Variants in FANCB observed in about 807,000 individuals in gnomAD.
FANCB encodes Fanconi anemia group B protein.
A neutral mutation model predicts 38.9 loss-of-function variants in FANCB; 5 were observed. The ratio of observed to expected loss-of-function variants is 0.13; its 90% CI spans 0.07 to 0.27. The LOEUF (loss-of-function observed/expected upper bound fraction) is 0.27. Ranked by LOEUF, FANCB falls within the 10% of genes least tolerant of loss-of-function variation. The pLI is 1.00. For missense variants in FANCB, 573 were observed against 602.7 expected (o/e 0.95, Z 0.52); for synonymous variants, 236 against 215.4 (o/e 1.10, Z -0.84).
chrX:14,750,714 T>C, the FANCB span, among the ~76,000 whole-genome samples: 1 of 110,885 alleles, frequency 9.0e-6, no homozygotes, highest in Non-Finnish European at 1.9e-5. Flanking sequence ...TATCCTTGCC[T>C]CTTGCCAGCA....
chrX:14,822,556 A>C, the FANCB span, among the ~76,000 whole-genome samples: 1 of 108,388 alleles, frequency 9.2e-6, no homozygotes, highest in African/African-American at 3.4e-5. Flanking sequence ...AACACTGCCC[A>C]TTTTCTAAAA....
chrX:14,825,088 T>C, the FANCB span, among the ~76,000 whole-genome samples: 1 of 112,385 alleles, frequency 8.9e-6, no homozygotes, highest in Middle Eastern at 4.6e-3. Flanking sequence ...CAGCTGTCAG[T>C]TACATTGTTG....
chrX:14,752,090 T>C, the FANCB span, among the ~76,000 whole-genome samples: 4 of 111,710 alleles, frequency 3.6e-5, no homozygotes, highest in Admixed American at 9.5e-5. Context: ...CTGTGTATGT[T>C]TGTGTTTTGT....
chrX:14,724,399 G>A, the FANCB span, among the ~76,000 whole-genome samples: 3 of 109,828 alleles, frequency 2.7e-5, no homozygotes, highest in African/African-American at 6.7e-5. Flanking sequence ...GCCGAAGCGG[G>A]TGCATCACCG....
chrX:14,865,407 T>C lies in FANCB; in HGVS notation c.104A>G (p.Lys35Arg), dbSNP rs990873889. The C allele has an allele frequency of 8.3e-7, 1 of 1,206,648 alleles. No individual in the cohort carries two copies. The highest frequency in any genetic ancestry group is 1.1e-6 in the Non-Finnish European group (1 of 892,401). The change falls in exon 3 of 10, where the codon AAA becomes AGA. Residue 35 changes from lysine (K) to arginine (R), a missense_variant. Coordinates refer to ENST00000650831, the MANE Select transcript of FANCB (RefSeq NM_001018113.3). Reference protein sequence around the residue: ...FQLSKGNFADKEPTKTPILHV... With the variant: ...FQLSKGNFADREPTKTPILHV... The stretch of plus-strand genomic sequence containing the variant: ...TAATATGGGTGTTTTTGTAGGCTCT[T>C]TATCTGCAAAATTTCCTTTAGACAA...
chrX:14,806,627 T>C, the FANCB span, among the ~76,000 whole-genome samples: 2 of 111,469 alleles, frequency 1.8e-5, no homozygotes, highest in South Asian at 3.7e-4. Flanking sequence ...ACCTGAGGGA[T>C]TGTGTCTCAG....
chrX:14,737,303 T>A, the FANCB span, among the ~76,000 whole-genome samples: 1 of 112,281 alleles, frequency 8.9e-6, no homozygotes, highest in African/African-American at 3.2e-5. Flanking sequence ...CCCTGTGAAG[T>A]AGAGGTAATT....
the FANCB span, among the ~76,000 whole-genome samples, chrX:14,740,960 GCACACACACA>G: frequency 9.3e-6 from 1 of 107,912 alleles, no homozygotes; most frequent in African/African-American, 3.4e-5. Context: ...ACAAACACAT[GCACACACACA>G]CACACGCACA....
the FANCB span, among the ~76,000 whole-genome samples, chrX:14,807,136 A>G: frequency 8.9e-6 from 1 of 112,387 alleles, no homozygotes; most frequent in East Asian, 2.8e-4. Context: ...AATTTATATA[A>G]TAGGCAGGTA....
At chrX:14,714,842 C>T in the FANCB span, among the ~76,000 whole-genome samples, 2 of 111,781 alleles carry the variant, frequency 1.8e-5, no homozygotes, top group African/African-American at 3.2e-5. Context: ...GACTTAAAAA[C>T]GGATGTTTGG....
At chrX:14,708,810 C>T in the FANCB span, among the ~76,000 whole-genome samples, 3 of 111,379 alleles carry the variant, frequency 2.7e-5, no homozygotes, top group Admixed American at 2.8e-4. Flanking sequence ...GTGGCTCATG[C>T]CTGTAATCCC....
the FANCB span, among the ~76,000 whole-genome samples, chrX:14,801,629 C>T: frequency 1.8e-5 from 2 of 110,978 alleles, no homozygotes; most frequent in Non-Finnish European, 3.8e-5. Context: ...TTGATTTTAC[C>T]GTGTGTGCAT....
At chrX:14,814,744 T>C in the FANCB span, among the ~76,000 whole-genome samples, 1 of 112,248 alleles carries the variant, frequency 8.9e-6, no homozygotes, top group Non-Finnish European at 1.9e-5. Context: ...AGTTCAACCA[T>C]TGTGGAAGAC....
chrX:14,771,422 T>C, the FANCB span, among the ~76,000 whole-genome samples: 1 of 111,661 alleles, frequency 9.0e-6, no homozygotes, highest in Admixed American at 9.5e-5. Flanking sequence ...GCTTGGTCTA[T>C]TCTGCTATGG....
chrX:14,821,124 C>CT, the FANCB span, among the ~76,000 whole-genome samples: 97 of 107,677 alleles, frequency 9.0e-4, no homozygotes, highest in East Asian at 8.9e-3. Flanking sequence ...GTCTATACAA[C>CT]TTTTTTTTTT....
chrX:14,819,488 G>C, the FANCB span, among the ~76,000 whole-genome samples: 5,462 of 111,482 alleles, frequency 0.049, 270 homozygotes, highest in African/African-American at 0.15. Context: ...GAGGCAATTG[G>C]ATGGAAGAAC....
At chrX:14,740,008 A>G in the FANCB span, among the ~76,000 whole-genome samples, 9 of 111,515 alleles carry the variant, frequency 8.1e-5, no homozygotes, top group African/African-American at 2.9e-4. Context: ...AGTAGAGCCC[A>G]GGGCTGCTCA....
At chrX:14,844,464 C>G (rs757409736) in intron 9 of FANCB, 39 bp downstream of exon 9, 4 of 969,981 alleles carry the variant, frequency 4.1e-6, no homozygotes, top group South Asian at 1.9e-5. Context: ...CTCATACACA[C>G]TCACTTCTCT....
the FANCB span, among the ~76,000 whole-genome samples, chrX:14,753,178 T>G: frequency 1.8e-5 from 2 of 111,875 alleles, no homozygotes; most frequent in Non-Finnish European, 3.8e-5. Context: ...TTTTTATCTT[T>G]TCTACAGTTC....
Sources: allele counts gnomAD v4.1 joint callset (sites outside exome capture counted in the v4.1 genomes callset), GRCh38; gene constraint gnomAD v4.1.1; transcripts MANE v1.5; gene names NCBI Gene and HGNC (gene_info 2026-07-23, HGNC 2026-07-21).